Variants in NF1 observed in about 807,000 individuals in gnomAD.
The protein encoded by NF1 is neurofibromin 1, also known as neurofibromin.
In NF1, 122 loss-of-function variants were observed where a neutral mutation model predicts 325.7. The observed-to-expected ratio is 0.37, with a 90% CI of 0.32 to 0.44. NF1 has a LOEUF of 0.44. Ranked by LOEUF, NF1 falls within the 20% of genes least tolerant of loss-of-function variation. The pLI is 1.00. For missense variants in NF1, 2,140 were observed against 3,415.4 expected, an observed-to-expected ratio of 0.63 and a Z score of 9.31; for synonymous variants, 1,091 against 1,186.0, an observed-to-expected ratio of 0.92 and a Z score of 1.65.
chr17:31,237,258 G>A (rs1333529086), intron 29 of NF1, among the ~76,000 whole-genome samples: 4 of 152,054 alleles, frequency 2.6e-5, no homozygotes, highest in African/African-American at 9.7e-5. Context: ...AAACTTAAAA[G>A]CAATTTTTAT....
intron 1 of NF1, among the ~76,000 whole-genome samples, chr17:31,121,670 T>C (rs997511808): frequency 6.6e-6 from 1 of 152,234 alleles, no homozygotes; most frequent in Non-Finnish European, 1.5e-5. Context: ...TTTCTTCATC[T>C]ATTGAGATAA....
At chr17:31,163,416 G>T (rs2143675043) in intron 4 of NF1, 40 bp downstream of exon 4, 8 of 1,587,102 alleles carry the variant, frequency 5.0e-6, no homozygotes, top group Non-Finnish European at 6.9e-6. Flanking sequence ...GAAGTAATAT[G>T]AATATTAGAA....
intron 36 of NF1, among the ~76,000 whole-genome samples, chr17:31,298,065 G>T (rs2068501859): frequency 1.3e-5 from 2 of 151,960 alleles, no homozygotes; most frequent in African/African-American, 4.8e-5. Context: ...GACATTTTTG[G>T]TGCTGTATGA....
intron 8 of NF1, among the ~76,000 whole-genome samples, chr17:31,191,738 TATAAA>T (rs1190493861): frequency 6.6e-5 from 10 of 152,162 alleles, no homozygotes; most frequent in Non-Finnish European, 1.2e-4. Context: ...TAATAAGTGA[TATAAA>T]AGAAAAAAGT....
At chr17:31,166,283 G>GT (rs1295954454) in intron 4 of NF1, among the ~76,000 whole-genome samples, 6 of 151,884 alleles carry the variant, frequency 4.0e-5, no homozygotes, top group African/African-American at 1.2e-4. Context: ...ATAGTTTTCA[G>GT]TTTTTTTATA....
chr17:31,306,264 T>G (rs1228715444), intron 36 of NF1, among the ~76,000 whole-genome samples: 1 of 152,186 alleles, frequency 6.6e-6, no homozygotes, highest in African/African-American at 2.4e-5. Flanking sequence ...CTACTTTTCT[T>G]TGTTCCTGAT....
intron 36 of NF1, among the ~76,000 whole-genome samples, chr17:31,324,440 T>A (rs1039889625): frequency 2.6e-5 from 4 of 152,204 alleles, no homozygotes; most frequent in African/African-American, 9.6e-5. Context: ...ATCCATTGCC[T>A]CAAAGAAAAG....
At chr17:31,297,424 A>T (rs2068490314) in intron 36 of NF1, 1 of 152,118 alleles carries the variant, frequency 6.6e-6, no homozygotes, top group Non-Finnish European at 1.5e-5. Flanking sequence ...CATCAAGCGT[A>T]CCTATATATC....
At chr17:31,258,178 A>C (rs1166211141) in intron 31 of NF1, among the ~76,000 whole-genome samples, 166 bp from the exon 32 acceptor site, 2 of 152,216 alleles carry the variant, frequency 1.3e-5, no homozygotes, top group African/African-American at 4.8e-5. Flanking sequence ...ATTGAGAGGA[A>C]ACTTTATTTT....
chr17:31,347,332 G>C (rs1433379287), intron 48 of NF1, among the ~76,000 whole-genome samples: 1 of 151,708 alleles, frequency 6.6e-6, no homozygotes, highest in Non-Finnish European at 1.5e-5. Flanking sequence ...GCAGAATGTT[G>C]TACTAGCTGT....
Position 31,108,488 on chromosome 17 carries a change from T to C in NF1, c.60+13119T>C, listed in dbSNP as rs916158601. On this transcript the variant is annotated intron_variant, in intron 1 of 57. Coordinates refer to ENST00000358273, the MANE Select transcript of NF1 (RefSeq NM_001042492.3). ...ACAGGGTTTTGTCATATTGTGCAGG[T>C]TGGTCTCGAACTCCTGACCTCAAGT... 3.3e-5 allele frequency among the ~76,000 whole-genome samples: 5 copies of C among 151,960 alleles called. No homozygotes were observed. The East Asian group carries it at 9.7e-4, about 29-fold the overall frequency.
chr17:31,360,767 C>T (rs976831123), intron 57 of NF1, 64 bp downstream of exon 57: 3 of 1,418,470 alleles, frequency 2.1e-6, no homozygotes, highest in African/African-American at 2.8e-5. Context: ...TTAGGAATTC[C>T]CTTGTGATCA....
At chr17:31,372,384 C>G (rs1050523632) in intron 57 of NF1, among the ~76,000 whole-genome samples, 2 of 152,032 alleles carry the variant, frequency 1.3e-5, no homozygotes, top group African/African-American at 2.4e-5. Flanking sequence ...CAGCTGTTTG[C>G]TTTCCCGCCA....
chr17:31,124,639 G>A (rs1167281762), intron 1 of NF1, among the ~76,000 whole-genome samples: 1 of 113,402 alleles, frequency 8.8e-6, no homozygotes, highest in Non-Finnish European at 1.7e-5. Flanking sequence ...CACTCTTGTC[G>A]CCCAGGCTGG....
intron 1 of NF1, among the ~76,000 whole-genome samples, chr17:31,147,696 GAC>G (rs1235460893): frequency 1.3e-5 from 2 of 152,148 alleles, no homozygotes; most frequent in African/African-American, 4.8e-5. Context: ...GTTTGTAGAA[GAC>G]ACAGCCTTCG....
intron 1 of NF1, among the ~76,000 whole-genome samples, chr17:31,127,924 T>C (rs1205490296): frequency 6.6e-6 from 1 of 151,868 alleles, no homozygotes; most frequent in Non-Finnish European, 1.5e-5. Flanking sequence ...TTAATTAATA[T>C]TTTTTTTGTA....
At chr17:31,184,566 G>A (rs1235337070) in intron 8 of NF1, among the ~76,000 whole-genome samples, 6 of 149,910 alleles carry the variant, frequency 4.0e-5, no homozygotes, top group Non-Finnish European at 8.9e-5. Context: ...GGAGAATGGC[G>A]TGAACCCCAG....
chr17:31,318,082 AT>A, intron 36 of NF1: 1 of 501,178 alleles, frequency 2.0e-6, no homozygotes, highest in Non-Finnish European at 3.4e-6. Flanking sequence ...ATGCTTAGTT[AT>A]TTTATTATTT....
intron 27 of NF1, among the ~76,000 whole-genome samples, chr17:31,234,023 C>T (rs2151436463): frequency 6.6e-6 from 1 of 152,306 alleles, no homozygotes; most frequent in East Asian, 1.9e-4. Context: ...TCTGTCCCTC[C>T]TTGTTAGACT....
Sources: allele counts gnomAD v4.1 joint callset (sites outside exome capture counted in the v4.1 genomes callset), GRCh38; gene constraint gnomAD v4.1.1; transcripts MANE v1.5; gene names NCBI Gene and HGNC (gene_info 2026-07-23, HGNC 2026-07-21).